Variants in NLRP2 observed in about 807,000 individuals in gnomAD.
The protein encoded by NLRP2 is NACHT, LRR and PYD domains-containing protein 2.
In NLRP2, 107 loss-of-function variants were observed where a neutral mutation model predicts 97.2. The observed-to-expected ratio is 1.10, with a 90% CI of 0.94 to 1.29. The LOEUF is 1.29. NLRP2 is among the 50% of genes most tolerant of loss of function. The pLI is 0.00. For synonymous variants in NLRP2, 663 were observed against 551.5 expected (o/e 1.20, Z -2.83); for missense variants, 1,495 against 1,330.3 (o/e 1.12, Z -1.93).
Position 54,967,046 on chromosome 19 carries a change from C to T in NLRP2, c.-18+579C>T, listed in dbSNP as rs2070491439. On this transcript the variant is annotated intron_variant, in intron 1 of 12. Transcript: ENST00000448584. ...ATTATTACCACTGTTTGCAGAGACT[C>T]ACTAGATGTAGGGTCTTAATATGTT... Among the ~76,000 whole-genome samples the T allele has an allele frequency of 1.3e-5, 2 of 151,704 alleles. 1 individual carries two copies. Among genetic ancestry groups the T allele is most frequent in the Admixed American group, 1.3e-4 (2 of 15,148 alleles).
rs1568530319 is a variant in NLRP2, at chr19:54,992,575, T to TTTG, written c.2709-1692_2709-1691insGTT. Among the ~76,000 whole-genome samples the TTTG allele has an allele frequency of 6.7e-3, 308 of 45,854 alleles. 4 individuals carry two copies. Among genetic ancestry groups the TTTG allele is most frequent in the African/African-American group, 0.025 (292 of 11,910 alleles). 30.1% of individuals were successfully genotyped at this position (45,854 alleles called of 152,430 possible). ...GGTTTTCTTTTTTTTTTTTTTTTGG[T>TTTG]TTTTTTTTTTTGATAGTCTTGCTCT... On this transcript the variant is annotated intron_variant, in intron 10 of 12. Coordinates refer to ENST00000448584, the MANE Select transcript of NLRP2 (RefSeq NM_017852.5).
At chr19:54,973,760 T>C in intron 2 of NLRP2, 1 of 525,692 alleles carries the variant, frequency 1.9e-6, no homozygotes, top group Admixed American at 2.0e-5. Flanking sequence ...CTTACGAAGG[T>C]CTGGGCTCTG....
chr19:54,991,011 C>T lies in NLRP2; in HGVS notation c.2708+339C>T, dbSNP rs141134550. On this transcript the variant is annotated intron_variant, in intron 10 of 12. Coordinates refer to ENST00000448584, the MANE Select transcript of NLRP2 (RefSeq NM_017852.5). The stretch of plus-strand genomic sequence containing the variant: ...AAGAGATCTGCCTGCCTTGGCCTCC[C>T]AAAGTGCTAGAATTACAGGCATGAG... 1,031 of 367,272 alleles carry T rather than the reference C, an allele frequency of 2.8e-3. 13 individuals carry two copies. The highest frequency in any genetic ancestry group is 0.019 in the African/African-American group (925 of 48,700). 22.8% of individuals were successfully genotyped at this position (367,272 alleles called of 1,614,324 possible). A position where few individuals can be genotyped will look rare whatever the true frequency, so the allele number is the denominator to read the frequency against.
In NLRP2 at chr19:54,994,369, A is replaced by T. The variant is rs549386720; in HGVS notation, c.2809A>T (p.Ile937Leu). Reference sequence around the variant, plus strand: ...GTGTTTGGATCTGGGGCTGAATCACATAGGAGTTAAGGGAATGAAGTTCCT... The same window carrying T: ...GTGTTTGGATCTGGGGCTGAATCACTTAGGAGTTAAGGGAATGAAGTTCCT... ...LLCLDLGLNH[I>L]GVKGMKFLCE... is the part of the protein sequence containing the mutation. Residue 937 changes from isoleucine to leucine, a missense_variant, in exon 11 of 13, where the codon ATA becomes TTA. Transcript: ENST00000448584. 6.2e-7 allele frequency: 1 copy of T among 1,614,060 alleles called. No individual in the cohort carries two copies. Among genetic ancestry groups the T allele is most frequent in the African/African-American group, 1.3e-5 (1 of 75,052 alleles).
chr19:54,989,976 G>C (rs766610997), intron 8 of NLRP2, 46 bp from the exon 9 acceptor site: 1 of 1,557,940 alleles, frequency 6.4e-7, no homozygotes. Flanking sequence ...GTGAGACTCA[G>C]TCTCAAAAAA....
intron 8 of NLRP2, among the ~76,000 whole-genome samples, chr19:54,987,420 C>T (rs1041132590): frequency 1.3e-5 from 2 of 152,108 alleles, no homozygotes; most frequent in Admixed American, 1.3e-4. Flanking sequence ...TTCCATGAAG[C>T]CTCACTTGGC....
At chr19:54,968,776 A>G (rs1018480708) in intron 1 of NLRP2, among the ~76,000 whole-genome samples, 1 of 142,836 alleles carries the variant, frequency 7.0e-6, no homozygotes, top group African/African-American at 2.7e-5. Flanking sequence ...GCTCACCACA[A>G]CCTCTGCCTC....
At chr19:54,977,373 A>G (rs2071303525) in intron 3 of NLRP2, among the ~76,000 whole-genome samples, 2 of 152,138 alleles carry the variant, frequency 1.3e-5, no homozygotes, top group South Asian at 4.1e-4. Flanking sequence ...GTGAGCCGAC[A>G]TCACACCATT....
At chr19:54,972,494 A>C (rs1396330736) in intron 2 of NLRP2, among the ~76,000 whole-genome samples, 1 of 151,730 alleles carries the variant, frequency 6.6e-6, no homozygotes, top group Admixed American at 6.6e-5. Flanking sequence ...CTTTTTTTTG[A>C]AACGGGGTCT....
At position 54,968,996 on chromosome 19, in the gene NLRP2, C is replaced by T. The variant is rs190605980; in HGVS notation, c.-17-1003C>T. 4.4e-3 allele frequency among the ~76,000 whole-genome samples: 670 copies of T among 152,190 alleles called. 5 individuals are homozygous for T. The highest frequency in any genetic ancestry group is 0.016 in the African/African-American group (646 of 41,546). ...GATTGCAGGCGTGAGCCACCGCGCC[C>T]GGCTGTGTGTTTGCATTATCATATT... On this transcript the variant is annotated intron_variant, in intron 1 of 12. Coordinates refer to ENST00000448584, the MANE Select transcript of NLRP2 (RefSeq NM_017852.5).
In NLRP2 at chr19:54,994,294, G is replaced by C. The variant is rs746718511; in HGVS notation, c.2734G>C (p.Asp912His). The C allele has an allele frequency of 3.3e-5, 53 of 1,614,012 alleles. No homozygotes were observed. The highest frequency in any genetic ancestry group is 4.2e-5 in the Non-Finnish European group (50 of 1,180,036). ...LVLWNCDITS[D>H]GCCDLTKLLQ... ...GCTTTGGAACTGCGACATAACTAGC[G>C]ATGGCTGCTGCGATCTCACAAAGCT... The change falls in exon 11 of 13, where the codon GAT (aspartate) becomes CAT (histidine). Residue 912 changes from aspartate (D) to histidine (H), a missense_variant. Physicochemically the swap from Asp to His is moderately conservative, Grantham distance 81. Transcript: ENST00000448584.
chr19:54,988,582 G>C (rs961001444), intron 8 of NLRP2, among the ~76,000 whole-genome samples: 1 of 152,098 alleles, frequency 6.6e-6, no homozygotes, highest in Non-Finnish European at 1.5e-5. Context: ...TAGTAGAGCC[G>C]GGGTTTCACC....
chr19:54,980,399 T>C (rs1424645591), intron 4 of NLRP2, among the ~76,000 whole-genome samples: 1 of 151,838 alleles, frequency 6.6e-6, no homozygotes, highest in Non-Finnish European at 1.5e-5. Context: ...TTTCACCGTG[T>C]TAGCCAGGAT....
chr19:54,990,760 T>A (rs1029590022), intron 10 of NLRP2, 88 bp downstream of exon 10: 3 of 1,337,970 alleles, frequency 2.2e-6, no homozygotes, highest in Non-Finnish European at 3.2e-6. Context: ...ATGAGAACAC[T>A]TAATTCCTCT....
chr19:54,981,652 G>C lies in NLRP2; in HGVS notation c.433G>C (p.Gly145Arg), dbSNP rs779156698. 1.3e-6 allele frequency: 2 copies of C among 1,597,204 alleles called. No individual in the cohort carries two copies. The highest frequency in any genetic ancestry group is 1.7e-6 in the Non-Finnish European group (2 of 1,164,830). The change falls in exon 5 of 13, where the codon GGT becomes CGT. Residue 145 changes from glycine to arginine, a missense_variant. Coordinates refer to ENST00000448584, the MANE Select transcript of NLRP2 (RefSeq NM_017852.5). ...TETKGNVICL[G>R]KEVFKGKKPD... Reference sequence around the variant, plus strand: ...AACGAAAGGAAATGTCATCTGCCTGGGTAAAGAAGTCTTTAAAGGAAAAAA... The same window carrying C: ...AACGAAAGGAAATGTCATCTGCCTGCGTAAAGAAGTCTTTAAAGGAAAAAA...
rs1043678 is a variant in NLRP2, at chr19:55,000,948, T to C, written c.*50T>C. 7.5e-6 allele frequency: 12 copies of C among 1,592,192 alleles called. No homozygotes were observed. The African/African-American group carries it at 8.1e-5, about 11-fold the overall frequency. ...ATGAAGTCATCGATTTTCCAGGTGT[T>C]GGTGAACTGCCTGTGACTCCTCTCC... is the stretch of plus-strand genomic sequence containing the variant. On this transcript the variant is annotated 3_prime_UTR_variant, in exon 13 of 13. Transcript: ENST00000448584.
chr19:55,000,617 T>G (rs2146585314), intron 12 of NLRP2, 143 bp from the exon 13 acceptor site: 2 of 769,176 alleles, frequency 2.6e-6, no homozygotes, highest in South Asian at 1.7e-5. Flanking sequence ...AAAATCAATG[T>G]GGAACACTCC....
At position 54,990,128 on chromosome 19, in the gene NLRP2, G is replaced by C. The variant is rs541059927; in HGVS notation, c.2473G>C (p.Asp825His). 1 of 1,614,160 alleles carries C rather than the reference G, an allele frequency of 6.2e-7. No homozygotes were observed. The highest frequency in any genetic ancestry group is 1.1e-5 in the South Asian group (1 of 91,080). Reference sequence around the variant, plus strand: ...AAACCTCTCCGACAATGAGCTTCTGGATGAGGGTGCTAAGTTGCTGTACAC... The same window carrying C: ...AAACCTCTCCGACAATGAGCTTCTGCATGAGGGTGCTAAGTTGCTGTACAC... Reference protein sequence around the residue: ...CVNLSDNELLDEGAKLLYTTL... With the variant: ...CVNLSDNELLHEGAKLLYTTL... The change falls in exon 9 of 13, where the codon GAT becomes CAT. Residue 825 changes from aspartate (D) to histidine (H), a missense_variant. Asp to His is a moderately conservative substitution (Grantham distance 81, BLOSUM62 -1). Transcript: ENST00000448584.
At chr19:54,983,776 C>T in intron 6 of NLRP2, 48 bp downstream of exon 6, 1 of 1,600,106 alleles carries the variant, frequency 6.2e-7, no homozygotes, top group Middle Eastern at 2.2e-4. Flanking sequence ...AGCCTCATCC[C>T]ATGCCCCCTT....
Sources: allele counts gnomAD v4.1 joint callset (sites outside exome capture counted in the v4.1 genomes callset), GRCh38; gene constraint gnomAD v4.1.1; transcripts MANE v1.5; gene names NCBI Gene and HGNC (gene_info 2026-07-23, HGNC 2026-07-21).